The following FCN1 variants were observed in gnomAD, a reference collection of about 807,000 sequenced individuals.
The protein encoded by FCN1 is ficolin-1.
FCN1 carries 42 observed loss-of-function variants against 35.6 expected under a neutral mutation model. That is an observed-to-expected ratio of 1.18 (90% CI 0.92 to 1.53). The LOEUF (loss-of-function observed/expected upper bound fraction) is 1.53. Among genes scored for constraint, FCN1 ranks in the 40% most tolerant of loss-of-function variants. FCN1 has a pLI of 0.00. For synonymous variants in FCN1, 179 were observed against 169.8 expected (o/e 1.05, Z -0.42); for missense variants, 439 against 428.4 (o/e 1.02, Z -0.22).
chr9:134,908,084 C>T lies in FCN1; in HGVS notation c.*1714G>A, dbSNP rs1376009101. On this transcript the variant is annotated 3_prime_UTR_variant, in exon 9 of 9. Coordinates refer to ENST00000371806, the MANE Select transcript of FCN1 (RefSeq NM_002003.5). ...TATGCAAATCTCCCTCCCACAGTCA[C>T]CTTTGACACTGGTGCTATCCATCTT... The T allele has an allele frequency of 6.6e-6, 1 of 152,348 alleles. No individual in the cohort carries two copies. Among genetic ancestry groups the T allele is most frequent in the East Asian group, 1.9e-4 (1 of 5,188 alleles). 9.4% of individuals were successfully genotyped at this position (152,348 alleles called of 1,614,324 possible). A position where few individuals can be genotyped will look rare whatever the true frequency, so the allele number is the denominator to read the frequency against.
intron 4 of FCN1, 90 bp downstream of exon 4, chr9:134,914,295 T>C: frequency 8.8e-7 from 1 of 1,135,802 alleles, no homozygotes; most frequent in South Asian, 1.2e-5. Context: ...GACAGGGACG[T>C]GGGCGGTGGG....
At chr9:134,917,079 G>A (rs570229817) in intron 1 of FCN1, among the ~76,000 whole-genome samples, 18 of 152,336 alleles carry the variant, frequency 1.2e-4, no homozygotes, top group Admixed American at 2.0e-4. Flanking sequence ...TGCTAAGGGC[G>A]CTCTTAGAGA....
Position 134,905,675 on chromosome 9 carries a change from G to A in FCN1, c.*4123C>T, listed in dbSNP as rs554709290. On this transcript the variant is annotated 3_prime_UTR_variant, in exon 9 of 9. Transcript: ENST00000371806. The stretch of plus-strand genomic sequence containing the variant: ...ATTTTTTTGTATTTTTAGTAGAGAC[G>A]GGGTTTCATCATGTTAGCCAGGATG... 1.9e-4 allele frequency among the ~76,000 whole-genome samples: 29 copies of A among 151,606 alleles called. No individual in the cohort carries two copies. The highest frequency in any genetic ancestry group is 1.3e-3 in the South Asian group (6 of 4,784).
chr9:134,916,579 G>A, intron 1 of FCN1, 118 bp from the exon 2 acceptor site: 9 of 1,058,564 alleles, frequency 8.5e-6, no homozygotes, highest in Non-Finnish European at 1.3e-5. Context: ...GTGAGGCGGA[G>A]ATGTGATGGG....
In FCN1 at chr9:134,907,523, CAG is replaced by C. The variant is rs1830969648; in HGVS notation, c.*2273_*2274del. 1 of 152,238 alleles carries C rather than the reference CAG, an allele frequency of 6.6e-6. No individual in the cohort carries two copies. Among genetic ancestry groups the C allele is most frequent in the South Asian group, 2.1e-4 (1 of 4,836 alleles). The allele number at this position is 152,238 out of a possible 1,614,324, so 9.4% of individuals were successfully genotyped here. A position where few individuals can be genotyped will look rare whatever the true frequency, so the allele number is the denominator to read the frequency against. On this transcript the variant is annotated 3_prime_UTR_variant, in exon 9 of 9. Coordinates refer to ENST00000371806, the MANE Select transcript of FCN1 (RefSeq NM_002003.5). ...TACAATCACCACCTGGGTCAAGAAA[CAG>C]AGCATTGCCAGAACCCCAGAGGCTT...
chr9:134,914,328 A>T, intron 4 of FCN1, 57 bp downstream of exon 4: 1 of 1,530,726 alleles, frequency 6.5e-7, no homozygotes, highest in Admixed American at 1.7e-5. Flanking sequence ...GGCCTCTGAG[A>T]CCCCTCCCCT....
chr9:134,905,195 A>C lies in FCN1; in HGVS notation c.*4603T>G, dbSNP rs1431036841. ...TAGAGGAGGTGACGGGATAATAAAA[A>C]TATTCAACAAAGACGAGAGAAGATG... On this transcript the variant is annotated 3_prime_UTR_variant, in exon 9 of 9. Transcript: ENST00000371806. 6.6e-6 allele frequency among the ~76,000 whole-genome samples: 1 copy of C among 152,246 alleles called. No individual in the cohort carries two copies. Among genetic ancestry groups the C allele is most frequent in the Non-Finnish European group, 1.5e-5 (1 of 68,048 alleles).
chr9:134,913,908 A>G (rs922511140), intron 4 of FCN1, among the ~76,000 whole-genome samples: 2 of 152,128 alleles, frequency 1.3e-5, no homozygotes, highest in African/African-American at 2.4e-5. Flanking sequence ...GCCACTGATA[A>G]CAGCGGAATA....
chr9:134,917,748 G>A, intron 1 of FCN1, 21 bp downstream of exon 1: 1 of 1,577,008 alleles, frequency 6.3e-7, no homozygotes, highest in South Asian at 1.1e-5. Context: ...TTAGGGACCA[G>A]AAAACCCAGG....
intron 2 of FCN1, 152 bp downstream of exon 2, chr9:134,916,196 T>A (rs1831089155): frequency 2.9e-6 from 2 of 680,386 alleles, no homozygotes; most frequent in Admixed American, 4.7e-5. Flanking sequence ...GCCCTGGGAG[T>A]CAGCTCTGTT....
Position 134,913,632 on chromosome 9 carries a change from C to T in FCN1, c.308-19G>A, listed in dbSNP as rs55694974. 690 of 1,593,578 alleles carry T rather than the reference C, an allele frequency of 4.3e-4. No individual in the cohort carries two copies. Among genetic ancestry groups the T allele is most frequent in the Non-Finnish European group, 5.6e-4 (654 of 1,168,360 alleles). On this transcript the variant is annotated intron_variant, in intron 4 of 8. Transcript: ENST00000371806. ...GCGTCTCCTGTGTGGGGAGAGGAGA[C>T]ACTTGTCATAAGCTTGAAATCAGAG...
intron 7 of FCN1, 94 bp from the exon 8 acceptor site, chr9:134,911,361 T>TGA: frequency 1.1e-6 from 1 of 938,690 alleles, no homozygotes; most frequent in South Asian, 1.6e-5. Flanking sequence ...TTTTTTTTTT[T>TGA]GAGACAGAGT....
At position 134,913,741 on chromosome 9, in the gene FCN1, C is replaced by T. The variant is rs372244105; in HGVS notation, c.308-128G>A. On this transcript the variant is annotated intron_variant, in intron 4 of 8. Transcript: ENST00000371806. ...CAGCTCCTCTGATGTCTCCAGGACACGTGGCACAGGCCTAGGGAAGGATGG... is the reference window on the plus strand; with the variant it reads ...CAGCTCCTCTGATGTCTCCAGGACATGTGGCACAGGCCTAGGGAAGGATGG... The T allele has an allele frequency of 2.2e-4, 134 of 620,268 alleles. 3 individuals carry two copies. In the South Asian group the frequency reaches 2.2e-3, roughly 10 times the overall value. 38.4% of individuals were successfully genotyped at this position (620,268 alleles called of 1,614,324 possible).
In FCN1 at chr9:134,909,282, G is replaced by GTA; in HGVS notation, c.*514_*515dup. The GTA allele has an allele frequency of 7.8e-7, 1 of 1,289,450 alleles. No homozygotes were observed. The highest frequency in any genetic ancestry group is 1.5e-5 in the African/African-American group (1 of 65,892). 79.9% of individuals were successfully genotyped at this position (1,289,450 alleles called of 1,614,324 possible). On this transcript the variant is annotated 3_prime_UTR_variant, in exon 9 of 9. Transcript: ENST00000371806. ...TCCTACTAAACTTTCCCCCTTTTTA[G>GTA]TAAGTGTTTTCTGGACCCCAAAGTG...
In FCN1 at chr9:134,903,469, A is replaced by T. The variant is rs1830908888; in HGVS notation, c.*6329T>A. On this transcript the variant is annotated 3_prime_UTR_variant, in exon 9 of 9. Coordinates refer to ENST00000371806, the MANE Select transcript of FCN1 (RefSeq NM_002003.5). ...TCAAGAACAGAAAGATATCTAGAAA[A>T]ATCCCAAATAATTTGGAAGTAAAAG... Among the ~76,000 whole-genome samples the T allele has an allele frequency of 6.6e-6, 1 of 152,178 alleles. No homozygotes were observed. Among genetic ancestry groups the T allele is most frequent in the Non-Finnish European group, 1.5e-5 (1 of 68,006 alleles).
chr9:134,910,001 C>T lies in FCN1; in HGVS notation c.778G>A (p.Asp260Asn), dbSNP rs574368267. ...GHNNNFFSTK[D>N]QDNDVSSSNC... Reference sequence around the variant, plus strand: ...GAAGAACTCACATCATTGTCTTGGTCTTTGGTGGAGAAGAAGTTGTTGTTG... The same window carrying T: ...GAAGAACTCACATCATTGTCTTGGTTTTTGGTGGAGAAGAAGTTGTTGTTG... The change falls in exon 9 of 9, where the codon GAC becomes AAC. Residue 260 changes from aspartate to asparagine, a missense_variant. Coordinates refer to ENST00000371806, the MANE Select transcript of FCN1 (RefSeq NM_002003.5). 16 of 1,614,124 alleles carry T rather than the reference C, an allele frequency of 9.9e-6. No homozygotes were observed. In the African/African-American group the frequency reaches 2.0e-4, roughly 20 times the overall value.
At chr9:134,916,670 C>T (rs1341013812) in intron 1 of FCN1, among the ~76,000 whole-genome samples, 1 of 152,250 alleles carries the variant, frequency 6.6e-6, no homozygotes, top group Admixed American at 6.5e-5. Context: ...CAGCAAGTAA[C>T]TTAACTCCTC....
chr9:134,904,431 G>C lies in FCN1; in HGVS notation c.*5367C>G, dbSNP rs148647019. ...ACTATTTAAAATGAGGCAAAATAAAGATGTTTTCAGATAATAAAAGTGGAC... is the reference window on the plus strand; with the variant it reads ...ACTATTTAAAATGAGGCAAAATAAACATGTTTTCAGATAATAAAAGTGGAC... On this transcript the variant is annotated 3_prime_UTR_variant, in exon 9 of 9. Transcript: ENST00000371806. Among the ~76,000 whole-genome samples, 765 of 152,168 alleles carry C rather than the reference G, an allele frequency of 5.0e-3. 6 individuals are homozygous for C. Among genetic ancestry groups the C allele is most frequent in the Non-Finnish European group, 7.7e-3 (526 of 68,010 alleles).
chr9:134,914,619 C>T, intron 3 of FCN1, 137 bp downstream of exon 3: 2 of 888,648 alleles, frequency 2.3e-6, no homozygotes, highest in Non-Finnish European at 3.6e-6. Context: ...CCGCCTGCCA[C>T]TGTCTTTCTC....
Sources: allele counts gnomAD v4.1 joint callset (sites outside exome capture counted in the v4.1 genomes callset), GRCh38; gene constraint gnomAD v4.1.1; transcripts MANE v1.5; gene names NCBI Gene and HGNC (gene_info 2026-07-23, HGNC 2026-07-21).